The following CPED1 variants were observed in gnomAD, a reference collection of about 807,000 sequenced individuals.
CPED1 encodes the protein cadherin like and PC-esterase domain containing 1, also known as cadherin-like and PC-esterase domain-containing protein 1.
CPED1 carries 114 observed loss-of-function variants against 128.2 expected under a neutral mutation model. The observed-to-expected ratio is 0.89, with a 90% CI of 0.76 to 1.04. The LOEUF (loss-of-function observed/expected upper bound fraction) is 1.04, where lower values mean the gene tolerates loss of function less well. CPED1 is among the 50% of genes least tolerant of loss of function. The probability of loss-of-function intolerance (pLI) is 0.00; values close to 1 mark genes in which losing one functional copy is unlikely to be tolerated. For missense variants in CPED1, 1,211 were observed against 1,207.1 expected (o/e 1.00, Z -0.05); for synonymous variants, 462 against 426.7 (o/e 1.08, Z -1.02).
rs138740883 is a variant in CPED1 at position 121,242,338 on chromosome 7, C to T, written c.2174-1864C>T. 5.4e-3 allele frequency among the ~76,000 whole-genome samples: 816 copies of T among 152,190 alleles called. 7 individuals are homozygous for T. The highest frequency in any genetic ancestry group is 0.018 in the African/African-American group (753 of 41,526). ...AGAGGATCTCAGACAAGTTCCTGAG[C>T]CCTGGTTAAGGAGATGATAACAGGG... On this transcript the variant is annotated intron_variant, in intron 17 of 22. Coordinates refer to ENST00000310396, the MANE Select transcript of CPED1 (RefSeq NM_024913.5).
intron 16 of CPED1, among the ~76,000 whole-genome samples, chr7:121,191,192 T>C (rs1797129504): frequency 6.6e-6 from 1 of 152,124 alleles, no homozygotes; most frequent in South Asian, 2.1e-4. Flanking sequence ...CCTTTTAGAA[T>C]ATAAACCGCA....
At chr7:121,163,900 T>A (rs191388244) in intron 16 of CPED1, among the ~76,000 whole-genome samples, 1 of 152,280 alleles carries the variant, frequency 6.6e-6, no homozygotes, top group Non-Finnish European at 1.5e-5. Flanking sequence ...AAGAATAGAC[T>A]CATTGACCAC....
chr7:121,171,464 TCTG>T (rs907607436), intron 16 of CPED1, among the ~76,000 whole-genome samples: 11 of 152,326 alleles, frequency 7.2e-5, no homozygotes, highest in African/African-American at 2.4e-4. Flanking sequence ...TTTTCCCAAT[TCTG>T]CTTTTATTCA....
At position 121,133,910 on chromosome 7, in the gene CPED1, TC is replaced by T; in HGVS notation, c.1648+20del. ...ATAAAAAAGGTAAAAATATAGATAT[TC>T]CCACTTATTTCAACATAAAAATAAG... On this transcript the variant is annotated intron_variant, in intron 13 of 22. Transcript: ENST00000310396. 7.2e-7 allele frequency: 1 copy of T among 1,385,388 alleles called. No homozygotes were observed. The highest frequency in any genetic ancestry group is 1.0e-6 in the Non-Finnish European group (1 of 992,472). The allele number at this position is 1,385,388 out of a possible 1,614,324, so 85.8% of individuals were successfully genotyped here.
chr7:121,212,706 T>G (rs76688702), intron 16 of CPED1, among the ~76,000 whole-genome samples: 8 of 144,926 alleles, frequency 5.5e-5, no homozygotes, highest in African/African-American at 2.0e-4. Flanking sequence ...GAAAAAAAAA[T>G]GAATAGATGT....
intron 22 of CPED1, among the ~76,000 whole-genome samples, chr7:121,273,399 G>T (rs138486221): frequency 1.3e-5 from 2 of 152,040 alleles, no homozygotes; most frequent in Admixed American, 6.6e-5. Flanking sequence ...GTGTGTGCCT[G>T]TAATCCCAGC....
At position 121,099,998 on chromosome 7, in the gene CPED1, G is replaced by T; in HGVS notation, c.822G>T (p.Ala274=). 6.2e-7 allele frequency: 1 copy of T among 1,613,298 alleles called. No homozygotes were observed. The highest frequency in any genetic ancestry group is 1.7e-5 in the Admixed American group (1 of 59,902). Residue 274 remains alanine, a synonymous_variant, in exon 7 of 23, where the codon GCG becomes GCT. Coordinates refer to ENST00000310396, the MANE Select transcript of CPED1 (RefSeq NM_024913.5). ...RAEDLSVILK[A]YVLVTSLTPL... The stretch of plus-strand genomic sequence containing the variant: ...AAGATCTATCTGTGATTCTTAAAGC[G>T]TATGTGTTGGTGACGTCCTTAACCC...
intron 5 of CPED1, among the ~76,000 whole-genome samples, chr7:121,088,352 A>C (rs1794487118): frequency 6.6e-6 from 1 of 152,146 alleles, no homozygotes; most frequent in African/African-American, 2.4e-5. Flanking sequence ...ACTTGGAAGA[A>C]TATCCTTACA....
chr7:121,020,022 T>G (rs1469872935), intron 3 of CPED1, among the ~76,000 whole-genome samples: 5 of 151,998 alleles, frequency 3.3e-5, no homozygotes. Context: ...TCAGAATCAT[T>G]TATGTATACT....
chr7:121,033,346 A>C (rs1246965576), intron 3 of CPED1, among the ~76,000 whole-genome samples: 2 of 152,212 alleles, frequency 1.3e-5, no homozygotes, highest in Admixed American at 6.5e-5. Flanking sequence ...CTTAAATAAT[A>C]GGCTGGCAAG....
chr7:121,035,787 C>T (rs1440617685), intron 3 of CPED1, among the ~76,000 whole-genome samples: 3 of 151,856 alleles, frequency 2.0e-5, no homozygotes, highest in Admixed American at 6.6e-5. Flanking sequence ...GAGCTGTGAT[C>T]GCACCACTGC....
chr7:121,199,294 C>A (rs896872361), intron 16 of CPED1, among the ~76,000 whole-genome samples: 1 of 152,020 alleles, frequency 6.6e-6, no homozygotes, highest in Non-Finnish European at 1.5e-5. Flanking sequence ...GAATTAGATT[C>A]AACTCACTGG....
At chr7:121,236,666 G>A in intron 16 of CPED1, 48 bp from the exon 17 acceptor site, 1 of 1,122,084 alleles carries the variant, frequency 8.9e-7, no homozygotes, top group Non-Finnish European at 1.3e-6. Context: ...TTATTATTAT[G>A]GGTCAAGTTA....
At chr7:121,112,397 G>A (rs1795134598) in intron 7 of CPED1, among the ~76,000 whole-genome samples, 1 of 152,032 alleles carries the variant, frequency 6.6e-6, no homozygotes, top group Non-Finnish European at 1.5e-5. Context: ...GACACACAAA[G>A]GAGAAGATAC....
intron 18 of CPED1, among the ~76,000 whole-genome samples, chr7:121,256,121 AAACAAAAC>A (rs1236716531): frequency 0.1 from 4,011 of 39,468 alleles, 149 homozygotes; most frequent in Non-Finnish European, 0.24. Context: ...CAAAAAAAAA[AAACAAAAC>A]AAAAAAAAAA....
chr7:121,080,710 TACAC>T (rs60277044), intron 5 of CPED1, among the ~76,000 whole-genome samples: 2 of 150,842 alleles, frequency 1.3e-5, no homozygotes, highest in African/African-American at 2.4e-5. Context: ...ACCTTCATTT[TACAC>T]ACACACACAC....
intron 5 of CPED1, among the ~76,000 whole-genome samples, chr7:121,097,006 A>G (rs185944095): frequency 6.6e-6 from 1 of 152,110 alleles, no homozygotes; most frequent in African/African-American, 2.4e-5. Flanking sequence ...ATACGTAAGC[A>G]TTGGTTTTTG....
intron 16 of CPED1, among the ~76,000 whole-genome samples, chr7:121,182,200 C>CTTTTT (rs3068074): frequency 1.4e-5 from 2 of 140,072 alleles, no homozygotes; most frequent in Admixed American, 7.1e-5. Context: ...TCGATGAGAG[C>CTTTTT]TTTTTTTTTT....
At chr7:121,272,809 G>T (rs750861967) in intron 22 of CPED1, among the ~76,000 whole-genome samples, 18 of 151,988 alleles carry the variant, frequency 1.2e-4, no homozygotes, top group Admixed American at 3.3e-4. Context: ...TCTGCTGAAG[G>T]CTCCTCTCAC....
Sources: allele counts gnomAD v4.1 joint callset (sites outside exome capture counted in the v4.1 genomes callset), GRCh38; gene constraint gnomAD v4.1.1; transcripts MANE v1.5; gene names NCBI Gene and HGNC (gene_info 2026-07-23, HGNC 2026-07-21).